Variants in NFIA observed in about 807,000 individuals in gnomAD.
The protein encoded by NFIA is nuclear factor 1 A-type.
NFIA carries 8 observed loss-of-function variants against 62.8 expected under a neutral mutation model. The ratio of observed to expected loss-of-function variants is 0.13; its 90% CI spans 0.07 to 0.23. The LOEUF (loss-of-function observed/expected upper bound fraction) is 0.23, where lower values mean the gene tolerates loss of function less well. NFIA is among the 10% of genes least tolerant of loss of function. The probability of loss-of-function intolerance (pLI) is 1.00; values close to 1 mark genes in which losing one functional copy is unlikely to be tolerated. For missense variants in NFIA, 410 were observed against 642.1 expected (o/e 0.64, Z 3.91); for synonymous variants, 235 against 238.1 (o/e 0.99, Z 0.12).
At chr1:61,284,714 G>C (rs1658372559) in intron 3 of NFIA, among the ~76,000 whole-genome samples, 1 of 152,204 alleles carries the variant, frequency 6.6e-6, no homozygotes, top group Non-Finnish European at 1.5e-5. Flanking sequence ...AAATGTTTTA[G>C]ATCCTATTCC....
At chr1:61,323,087 G>A (rs1178069856) in intron 3 of NFIA, among the ~76,000 whole-genome samples, 2 of 152,206 alleles carry the variant, frequency 1.3e-5, no homozygotes, top group South Asian at 2.1e-4. Context: ...CCAACAGTGT[G>A]TAAGTCCCAT....
chr1:61,413,850 A>T (rs1418256417), intron 9 of NFIA, among the ~76,000 whole-genome samples: 3 of 149,466 alleles, frequency 2.0e-5, no homozygotes, highest in Non-Finnish European at 4.5e-5. Context: ...CTGGTCTCGA[A>T]CTCCTGACCT....
intron 2 of NFIA, among the ~76,000 whole-genome samples, chr1:61,178,326 T>A (rs1650534451): frequency 6.6e-6 from 1 of 152,220 alleles, no homozygotes; most frequent in Non-Finnish European, 1.5e-5. Context: ...AGAATTTTTT[T>A]CCTCTTTAAC....
chr1:61,209,666 A>C (rs1281432852), intron 2 of NFIA, among the ~76,000 whole-genome samples: 1 of 110,286 alleles, frequency 9.1e-6, no homozygotes, highest in Non-Finnish European at 1.8e-5. Flanking sequence ...TCTATGAAAA[A>C]TACAACAACA....
intron 2 of NFIA, among the ~76,000 whole-genome samples, chr1:61,141,361 C>T (rs1380855540): frequency 1.3e-5 from 2 of 152,134 alleles, no homozygotes; most frequent in East Asian, 3.9e-4. Context: ...CCATTCTTAA[C>T]CCTGTCGTCC....
At chr1:61,211,149 T>C (rs2100603502) in intron 2 of NFIA, among the ~76,000 whole-genome samples, 1 of 152,318 alleles carries the variant, frequency 6.6e-6, no homozygotes, top group South Asian at 2.1e-4. Context: ...GAAGACATTG[T>C]GATGACTGCT....
intron 2 of NFIA, among the ~76,000 whole-genome samples, chr1:61,113,878 G>A (rs1269969976): frequency 6.6e-6 from 1 of 152,116 alleles, no homozygotes; most frequent in African/African-American, 2.4e-5. Context: ...ATAGCGGAGG[G>A]TATTGAATGC....
At chr1:61,178,065 C>A (rs181703793) in intron 2 of NFIA, among the ~76,000 whole-genome samples, 1 of 152,122 alleles carries the variant, frequency 6.6e-6, no homozygotes, top group African/African-American at 2.4e-5. Context: ...TTGCCCACTT[C>A]CCCTAGATCG....
At chr1:61,280,656 C>T (rs1658076525) in intron 3 of NFIA, among the ~76,000 whole-genome samples, 1 of 152,108 alleles carries the variant, frequency 6.6e-6, no homozygotes, top group African/African-American at 2.4e-5. Context: ...TCTTCCCTGT[C>T]CAACTAGTCT....
intron 2 of NFIA, among the ~76,000 whole-genome samples, chr1:61,103,856 T>C (rs748750777): frequency 2.0e-5 from 3 of 152,186 alleles, no homozygotes; most frequent in Non-Finnish European, 4.4e-5. Flanking sequence ...AAAGGAATTA[T>C]TGACATGTAA....
chr1:61,213,110 C>T (rs752940725), intron 2 of NFIA, among the ~76,000 whole-genome samples: 5 of 152,220 alleles, frequency 3.3e-5, no homozygotes, highest in East Asian at 1.9e-4. Flanking sequence ...AGACAAAAAT[C>T]GGGAAAGTAT....
At chr1:61,236,437 A>G (rs964076415) in intron 2 of NFIA, among the ~76,000 whole-genome samples, 24 of 152,170 alleles carry the variant, frequency 1.6e-4, no homozygotes, top group Non-Finnish European at 1.2e-4. Context: ...TACGTTATTT[A>G]TTTGATATGA....
intron 2 of NFIA, among the ~76,000 whole-genome samples, chr1:61,239,478 A>G (rs1203855749): frequency 6.6e-6 from 1 of 152,170 alleles, no homozygotes; most frequent in Non-Finnish European, 1.5e-5. Context: ...TTAGTTGCTT[A>G]TCTATCTTTC....
chr1:61,207,008 A>G (rs1464639855), intron 2 of NFIA, among the ~76,000 whole-genome samples: 1 of 152,178 alleles, frequency 6.6e-6, no homozygotes, highest in Non-Finnish European at 1.5e-5. Flanking sequence ...TAGGGGACAG[A>G]TAGATGTCAA....
intron 2 of NFIA, among the ~76,000 whole-genome samples, chr1:61,253,176 G>A (rs1656158577): frequency 1.3e-5 from 2 of 152,260 alleles, no homozygotes; most frequent in South Asian, 4.1e-4. Flanking sequence ...CCAAAAGTTG[G>A]ACAGAACCAA....
Position 61,426,491 on chromosome 1 carries a change from G to T in NFIA, c.1447G>T (p.Ala483Ser). ...CTACTCGACACCCAGCACCTCCCCC[G>T]CAAACCGATTCGTCAGTGTTGGACC... ...PTYSTPSTSPANRFVSVGPRD... is the reference protein window; with the variant it reads ...PTYSTPSTSPSNRFVSVGPRD... Residue 483 changes from alanine (A) to serine (S), a missense_variant, in exon 10 of 11, where the codon GCA becomes TCA. Physicochemically the swap from Ala to Ser is moderately conservative, Grantham distance 99 (BLOSUM62 1). Coordinates refer to ENST00000403491, the MANE Select transcript of NFIA (RefSeq NM_001134673.4). 6.4e-7 allele frequency: 1 copy of T among 1,551,806 alleles called. No individual in the cohort carries two copies. The highest frequency in any genetic ancestry group is 8.7e-7 in the Non-Finnish European group (1 of 1,146,982).
intron 2 of NFIA, among the ~76,000 whole-genome samples, chr1:61,209,651 C>T (rs141089552): frequency 2.0e-3 from 294 of 146,452 alleles, no homozygotes; most frequent in African/African-American, 7.2e-3. Flanking sequence ...TGGTGATACC[C>T]CATCTCTATG....
At chr1:61,108,098 A>C (rs1465433034) in intron 2 of NFIA, among the ~76,000 whole-genome samples, 1 of 151,636 alleles carries the variant, frequency 6.6e-6, no homozygotes, top group Non-Finnish European at 1.5e-5. Flanking sequence ...CCTCTTTTTG[A>C]AATAAATTTT....
chr1:61,322,601 G>A (rs141115256), intron 3 of NFIA, among the ~76,000 whole-genome samples: 1 of 150,784 alleles, frequency 6.6e-6, no homozygotes, highest in African/African-American at 2.4e-5. Context: ...CTTTCTGGTT[G>A]TGGCCACTCC....
Sources: gnomAD v4.1 joint callset for allele counts (sites outside exome capture counted in the v4.1 genomes callset) on GRCh38, gnomAD v4.1.1 for gene constraint, MANE v1.5 for transcripts, NCBI Gene and HGNC (gene_info 2026-07-23, HGNC 2026-07-21) for gene names.